PTGFRN: variants seen among roughly 807,000 people sequenced by gnomAD.
PTGFRN encodes prostaglandin F2 receptor negative regulator.
PTGFRN carries 35 observed loss-of-function variants against 83.2 expected under a neutral mutation model. The observed-to-expected ratio is 0.42, with a 90% CI of 0.32 to 0.56. The LOEUF is 0.56. Ranked by LOEUF, PTGFRN falls within the 20% of genes least tolerant of loss-of-function variation. PTGFRN has a pLI of 0.11. For missense variants in PTGFRN, 1,051 were observed against 1,179.5 expected, an observed-to-expected ratio of 0.89 and a Z score of 1.60; for synonymous variants, 519 against 498.6, an observed-to-expected ratio of 1.04 and a Z score of -0.55.
At chr1:116,980,263 G>C (rs942907487) in intron 7 of PTGFRN, among the ~76,000 whole-genome samples, 1 of 152,224 alleles carries the variant, frequency 6.6e-6, no homozygotes, top group African/African-American at 2.4e-5. Flanking sequence ...TACACTGTTG[G>C]TGAGACTGTA....
chr1:116,926,740 C>T (rs138765134), intron 1 of PTGFRN, among the ~76,000 whole-genome samples: 1 of 152,082 alleles, frequency 6.6e-6, no homozygotes, highest in African/African-American at 2.4e-5. Context: ...ATTGTCTACT[C>T]AATACTTGGT....
chr1:116,912,545 T>G (rs893601845), intron 1 of PTGFRN, among the ~76,000 whole-genome samples: 6 of 152,290 alleles, frequency 3.9e-5, no homozygotes, highest in Admixed American at 3.9e-4. Flanking sequence ...GACTCCAGCT[T>G]CTTTCTTTCC....
chr1:116,914,207 C>T (rs1291124974), intron 1 of PTGFRN, among the ~76,000 whole-genome samples: 1 of 152,214 alleles, frequency 6.6e-6, no homozygotes, highest in African/African-American at 2.4e-5. Flanking sequence ...TGGTAGTCGT[C>T]ATCACCATTC....
Position 116,909,988 on chromosome 1 carries a change from T to G in PTGFRN, c.-216T>G. ...GGGCCGGCTCCCGGGCCCGGCCGGC[T>G]GGAGGAGGGAGGGAAGGAGGCGGGA... On this transcript the variant is annotated 5_prime_UTR_variant, in exon 1 of 9. Coordinates refer to ENST00000393203, the MANE Select transcript of PTGFRN (RefSeq NM_020440.4). 3 of 570,356 alleles carry G rather than the reference T, an allele frequency of 5.3e-6. No individual in the cohort carries two copies. Among genetic ancestry groups the G allele is most frequent in the African/African-American group, 2.0e-5 (1 of 49,292 alleles). 35.3% of individuals were successfully genotyped at this position (570,356 alleles called of 1,614,324 possible).
chr1:116,986,989 C>T lies in PTGFRN; in HGVS notation c.*22C>T. On this transcript the variant is annotated 3_prime_UTR_variant, in exon 9 of 9. Transcript: ENST00000393203. The stretch of plus-strand genomic sequence containing the variant: ...CTAGGCTGGCCCGGGAGGGGAGTGA[C>T]AGAGGGACGTTCTAGGAGCAATTGG... The T allele has an allele frequency of 6.2e-7, 1 of 1,613,696 alleles. No individual in the cohort carries two copies. Among genetic ancestry groups the T allele is most frequent in the African/African-American group, 1.3e-5 (1 of 75,040 alleles).
intron 1 of PTGFRN, among the ~76,000 whole-genome samples, chr1:116,927,416 TTAC>T: frequency 6.6e-6 from 1 of 152,286 alleles, no homozygotes; most frequent in Admixed American, 6.5e-5. Context: ...ATCTAGTGCT[TTAC>T]TAGTAAGAAG....
chr1:116,960,880 C>T (rs1440993018), intron 4 of PTGFRN, among the ~76,000 whole-genome samples: 1 of 152,024 alleles, frequency 6.6e-6, no homozygotes, highest in Non-Finnish European at 1.5e-5. Context: ...CCAGAGCAAT[C>T]TTGGTAGGGG....
rs1470394649 is a variant in PTGFRN at position 116,910,094 on chromosome 1, G to A, written c.-110G>A. 1.7e-6 allele frequency: 2 copies of A among 1,206,002 alleles called. No individual in the cohort carries two copies. Among genetic ancestry groups the A allele is most frequent in the Non-Finnish European group, 2.3e-6 (2 of 856,720 alleles). The allele number at this position is 1,206,002 out of a possible 1,614,324, so 74.7% of individuals were successfully genotyped here. ...CGCGAGGAGAGCGGAGCAGGCGCGC[G>A]GCCCAGGCGGAGGAGCGCCGACTCT... On this transcript the variant is annotated 5_prime_UTR_variant, in exon 1 of 9. Coordinates refer to ENST00000393203, the MANE Select transcript of PTGFRN (RefSeq NM_020440.4).
At position 116,973,535 on chromosome 1, in the gene PTGFRN, G is replaced by T. The variant is rs186111367; in HGVS notation, c.2060-681G>T. Reference sequence around the variant, plus strand: ...CAGGAGAATCACTTGAATCCAGGAAGTGGAGGTTGCAGTGAGCCGAGATCA... The same window carrying T: ...CAGGAGAATCACTTGAATCCAGGAATTGGAGGTTGCAGTGAGCCGAGATCA... On this transcript the variant is annotated intron_variant, in intron 6 of 8. Coordinates refer to ENST00000393203, the MANE Select transcript of PTGFRN (RefSeq NM_020440.4). Among the ~76,000 whole-genome samples, 327 of 148,482 alleles carry T rather than the reference G, an allele frequency of 2.2e-3. 2 individuals carry two copies. Among genetic ancestry groups the T allele is most frequent in the Admixed American group, 3.6e-3 (54 of 14,922 alleles).
In PTGFRN at chr1:116,986,931, C is replaced by G. The variant is rs763120740; in HGVS notation, c.2604C>G (p.Arg868=). The change falls in exon 9 of 9, where the codon CGC becomes CGG. Residue 868 remains arginine (R), a synonymous_variant. Coordinates refer to ENST00000393203, the MANE Select transcript of PTGFRN (RefSeq NM_020440.4). ...AGAAGGAGGTTCAGGAGACACGGCGCGAGCGCCGCAGGCTCATGTCGATGG... is the reference window on the plus strand; with the variant it reads ...AGAAGGAGGTTCAGGAGACACGGCGGGAGCGCCGCAGGCTCATGTCGATGG... ...CCKKEVQETR[R]ERRRLMSMEM... is the part of the protein sequence containing the mutation. 2 of 1,614,126 alleles carry G rather than the reference C, an allele frequency of 1.2e-6. No individual in the cohort carries two copies. Among genetic ancestry groups the G allele is most frequent in the South Asian group, 1.1e-5 (1 of 91,094 alleles).
At chr1:116,983,176 A>G (rs1191067893) in intron 7 of PTGFRN, among the ~76,000 whole-genome samples, 3 of 152,164 alleles carry the variant, frequency 2.0e-5, no homozygotes, top group Non-Finnish European at 4.4e-5. Context: ...GTCTCAGTGA[A>G]CTTGGGGAAC....
In PTGFRN at chr1:116,941,669, G is replaced by A. The variant is rs370188577; in HGVS notation, c.50-46G>A. 90 of 1,559,070 alleles carry A rather than the reference G, an allele frequency of 5.8e-5. No homozygotes were observed. Among genetic ancestry groups the A allele is most frequent in the Non-Finnish European group, 7.8e-5 (90 of 1,154,220 alleles). On this transcript the variant is annotated intron_variant, in intron 1 of 8. Transcript: ENST00000393203. The surrounding 1 kb of genome is among the most constrained non-coding windows in gnomAD (Gnocchi z 5.0). ...AGGTTTGCCACATTTGTCCTGGGAA[G>A]ACTTTCTGTGATTAAAGACCTGCCT...
In PTGFRN at chr1:116,984,561, C is replaced by G; in HGVS notation, c.2168-119C>G. On this transcript the variant is annotated intron_variant, in intron 7 of 8. Transcript: ENST00000393203. ...GGGCTGTTGTGAGGATCCAGTGAGA[C>G]CGAAGGCATGTAGTGTTGTGCTTGC... 7.6e-6 allele frequency: 7 copies of G among 916,730 alleles called. No individual in the cohort carries two copies. The South Asian group carries it at 1.2e-4, about 15-fold the overall frequency. The allele number at this position is 916,730 out of a possible 1,614,324, so 56.8% of individuals were successfully genotyped here.
At position 116,923,674 on chromosome 1, in the gene PTGFRN, G is replaced by A. The variant is rs1649589574; in HGVS notation, c.49+13422G>A. ...AGACTTCTTCAGTCCCAGTGTATGC[G>A]TCGAGTGCCTCGTGGCTGGGTTCAT... On this transcript the variant is annotated intron_variant, in intron 1 of 8. Coordinates refer to ENST00000393203, the MANE Select transcript of PTGFRN (RefSeq NM_020440.4). This position sits in a 1 kb window ranked among gnomAD's most constrained non-coding sequence, Gnocchi z 4.0. Among the ~76,000 whole-genome samples, 1 of 152,220 alleles carries A rather than the reference G, an allele frequency of 6.6e-6. No homozygotes were observed. The highest frequency in any genetic ancestry group is 2.4e-5 in the African/African-American group (1 of 41,516).
At chr1:116,966,833 T>C in intron 5 of PTGFRN, 78 bp from the exon 6 acceptor site, 4 of 1,429,832 alleles carry the variant, frequency 2.8e-6, no homozygotes, top group Non-Finnish European at 3.8e-6. Context: ...TTCTGTTTCT[T>C]GGTTATTTTG....
chr1:116,933,029 A>C (rs1649837179), intron 1 of PTGFRN, among the ~76,000 whole-genome samples: 1 of 152,230 alleles, frequency 6.6e-6, no homozygotes, highest in African/African-American at 2.4e-5. Flanking sequence ...TGCCTGGCTC[A>C]GTCAGTCAGT....
chr1:116,937,591 G>C (rs956146065), intron 1 of PTGFRN, among the ~76,000 whole-genome samples: 1 of 152,186 alleles, frequency 6.6e-6, no homozygotes, highest in Non-Finnish European at 1.5e-5. Context: ...CCTGTGGAAG[G>C]ATTGGAGAGT....
At position 116,961,883 on chromosome 1, in the gene PTGFRN, C is replaced by G. The variant is rs528288013; in HGVS notation, c.1639+215C>G. 7.4e-4 allele frequency among the ~76,000 whole-genome samples: 113 copies of G among 152,304 alleles called. No individual in the cohort carries two copies. The highest frequency in any genetic ancestry group is 2.6e-3 in the African/African-American group (110 of 41,562). On this transcript the variant is annotated intron_variant, in intron 5 of 8. Coordinates refer to ENST00000393203, the MANE Select transcript of PTGFRN (RefSeq NM_020440.4). The surrounding 1 kb of genome is among the most constrained non-coding windows in gnomAD (Gnocchi z 5.4). Reference sequence around the variant, plus strand: ...CCCAGAGAGGTCCCTCTCCAACTCACTGTCAATCAGCCAAGTCTCTTGTTT... The same window carrying G: ...CCCAGAGAGGTCCCTCTCCAACTCAGTGTCAATCAGCCAAGTCTCTTGTTT...
chr1:116,955,159 T>C lies in PTGFRN; in HGVS notation c.1213+5587T>C, dbSNP rs1259192747. Reference sequence around the variant, plus strand: ...AGCCATTATTTTTAAAGCCTTTCTTTAGGGGAGGGTCACTCTTTTGGAGTC... The same window carrying C: ...AGCCATTATTTTTAAAGCCTTTCTTCAGGGGAGGGTCACTCTTTTGGAGTC... On this transcript the variant is annotated intron_variant, in intron 4 of 8. Coordinates refer to ENST00000393203, the MANE Select transcript of PTGFRN (RefSeq NM_020440.4). 2.0e-5 allele frequency among the ~76,000 whole-genome samples: 3 copies of C among 152,188 alleles called. No homozygotes were observed. The East Asian group carries it at 5.8e-4, about 29-fold the overall frequency.
Sources: gnomAD v4.1 joint callset for allele counts (sites outside exome capture counted in the v4.1 genomes callset) on GRCh38, gnomAD v4.1.1 for gene constraint, Gnocchi (gnomAD v3.1) non-coding constraint, MANE v1.5 for transcripts, NCBI Gene and HGNC (gene_info 2026-07-23, HGNC 2026-07-21) for gene names.